The following ASTN2 variants were observed in gnomAD, a reference collection of about 807,000 sequenced individuals.
ASTN2 encodes astrotactin 2, also known as astrotactin-2.
In ASTN2, 54 loss-of-function variants were observed where a neutral mutation model predicts 139.8. That is an observed-to-expected ratio of 0.39 (90% CI 0.31 to 0.48). The LOEUF (loss-of-function observed/expected upper bound fraction) is 0.48, where lower values mean the gene tolerates loss of function less well. Among genes scored for constraint, ASTN2 ranks in the 20% least tolerant of loss-of-function variants. ASTN2 has a pLI of 0.95. For missense variants in ASTN2, 1,565 were observed against 1,725.1 expected, an observed-to-expected ratio of 0.91 and a Z score of 1.64; for synonymous variants, 756 against 719.5, an observed-to-expected ratio of 1.05 and a Z score of -0.81.
At position 117,365,313 on chromosome 9, in the gene ASTN2, A is replaced by AAAAG. The variant is rs199655241; in HGVS notation, c.442+49180_442+49183dup. ...AAATAGAAAGAAAAAGAAAGAAAGA[A>AAAAG]AAAGAAAGAAAGAAAGAAAGAAAGA... On this transcript the variant is annotated intron_variant, in intron 1 of 22. Coordinates refer to ENST00000313400, the MANE Select transcript of ASTN2 (RefSeq NM_001365068.1). Among the ~76,000 whole-genome samples the AAAAG allele has an allele frequency of 7.8e-3, 1,150 of 148,144 alleles. 11 individuals carry two copies. The highest frequency in any genetic ancestry group is 0.024 in the African/African-American group (933 of 39,186).
intron 5 of ASTN2, among the ~76,000 whole-genome samples, chr9:117,090,692 CA>C (rs1185132254): frequency 6.6e-6 from 1 of 152,186 alleles, no homozygotes; most frequent in East Asian, 1.9e-4. Context: ...CAGGTGTCAA[CA>C]GCTCCATTTT....
chr9:117,308,100 TC>T (rs1387737997), intron 1 of ASTN2, among the ~76,000 whole-genome samples: 1 of 152,162 alleles, frequency 6.6e-6, no homozygotes, highest in African/African-American at 2.4e-5. Context: ...AAAAAGGTCC[TC>T]TGATTCCCAG....
At chr9:117,347,584 T>C (rs187548566) in intron 1 of ASTN2, among the ~76,000 whole-genome samples, 1 of 152,292 alleles carries the variant, frequency 6.6e-6, no homozygotes, top group Admixed American at 6.5e-5. Flanking sequence ...TTCTGCTTTG[T>C]CTAGTGCAAT....
At chr9:116,750,080 C>T (rs1266662966) in intron 13 of ASTN2, among the ~76,000 whole-genome samples, 1 of 152,162 alleles carries the variant, frequency 6.6e-6, no homozygotes, top group Non-Finnish European at 1.5e-5. Context: ...TCTGCAGCTC[C>T]TAACAAAGTA....
intron 11 of ASTN2, among the ~76,000 whole-genome samples, chr9:116,846,780 GTCAA>G (rs1832443420): frequency 6.6e-6 from 1 of 152,140 alleles, no homozygotes; most frequent in Non-Finnish European, 1.5e-5. Context: ...TCTGCCAGTG[GTCAA>G]TAGGAATTCC....
chr9:117,346,067 A>T (rs1829208032), intron 1 of ASTN2, among the ~76,000 whole-genome samples: 1 of 146,284 alleles, frequency 6.8e-6, no homozygotes, highest in East Asian at 2.3e-4. Flanking sequence ...CAGATGTTTT[A>T]TTGTCTAACC....
At chr9:116,828,964 G>A (rs1831724029) in intron 11 of ASTN2, among the ~76,000 whole-genome samples, 1 of 152,040 alleles carries the variant, frequency 6.6e-6, no homozygotes, top group Admixed American at 6.6e-5. Context: ...GGAGGTGAAA[G>A]ATCTCTATAA....
chr9:117,202,456 G>A (rs147347504), intron 3 of ASTN2, among the ~76,000 whole-genome samples: 70 of 152,228 alleles, frequency 4.6e-4, no homozygotes, highest in African/African-American at 1.6e-3. Flanking sequence ...ATATTTTGGT[G>A]TATTTTTGCA....
intron 16 of ASTN2, among the ~76,000 whole-genome samples, chr9:116,671,848 C>T (rs566223467): frequency 6.6e-6 from 1 of 152,136 alleles, no homozygotes; most frequent in Non-Finnish European, 1.5e-5. Flanking sequence ...AAAATGGCTA[C>T]TTCCCCATTT....
intron 4 of ASTN2, among the ~76,000 whole-genome samples, chr9:117,108,436 A>ACACACACACACACACACAC: frequency 3.3e-5 from 1 of 30,754 alleles, no homozygotes; most frequent in South Asian, 8.8e-4. Context: ...AAAACAAAAC[A>ACACACACACACACACACAC]AAACACACAC....
At chr9:117,322,552 C>T (rs1403515986) in intron 1 of ASTN2, among the ~76,000 whole-genome samples, 2 of 152,188 alleles carry the variant, frequency 1.3e-5, no homozygotes, top group African/African-American at 4.8e-5. Flanking sequence ...GGACTTAAGT[C>T]TGCATGGCTG....
chr9:116,637,432 G>A (rs186444641), intron 17 of ASTN2, among the ~76,000 whole-genome samples: 13 of 152,196 alleles, frequency 8.5e-5, no homozygotes, highest in Non-Finnish European at 1.5e-4. Context: ...TCATTTTACC[G>A]ATGGTAAAAC....
At chr9:116,667,370 T>C (rs1858930614) in intron 16 of ASTN2, among the ~76,000 whole-genome samples, 1 of 152,156 alleles carries the variant, frequency 6.6e-6, no homozygotes, top group Admixed American at 6.5e-5. Flanking sequence ...AAAAAAACTA[T>C]CTGTTTGCAA....
intron 20 of ASTN2, among the ~76,000 whole-genome samples, chr9:116,483,300 T>C (rs1849232381): frequency 6.6e-6 from 1 of 152,242 alleles, no homozygotes; most frequent in South Asian, 2.1e-4. Flanking sequence ...GGTGCTGATG[T>C]TTCTGTTTTG....
chr9:117,009,399 T>G (rs1837448287), intron 6 of ASTN2, among the ~76,000 whole-genome samples: 2 of 152,154 alleles, frequency 1.3e-5, no homozygotes, highest in South Asian at 4.1e-4. Context: ...CACATATACA[T>G]ACACACACAC....
At chr9:117,102,470 G>A (rs1829002271) in intron 4 of ASTN2, among the ~76,000 whole-genome samples, 2 of 152,090 alleles carry the variant, frequency 1.3e-5, no homozygotes, top group Non-Finnish European at 1.5e-5. Context: ...GGTGATGGCT[G>A]TACAACCTTG....
intron 6 of ASTN2, among the ~76,000 whole-genome samples, chr9:117,027,833 CA>C (rs1039555600): frequency 1.3e-5 from 2 of 152,118 alleles, no homozygotes; most frequent in African/African-American, 2.4e-5. Flanking sequence ...GTGTGATTGG[CA>C]TTTTCTAACC....
chr9:117,164,106 A>G (rs6478283), intron 3 of ASTN2, among the ~76,000 whole-genome samples: 45,024 of 152,006 alleles, frequency 0.3, 6,851 homozygotes, highest in African/African-American at 0.35. Flanking sequence ...TCTGTCTTGA[A>G]ATATATTTTC....
chr9:117,044,085 A>G, intron 5 of ASTN2, among the ~76,000 whole-genome samples: 1 of 152,148 alleles, frequency 6.6e-6, no homozygotes, highest in Non-Finnish European at 1.5e-5. Flanking sequence ...TGCCAAGCAA[A>G]GATTTGGCAC....
Sources: allele counts gnomAD v4.1 joint callset (sites outside exome capture counted in the v4.1 genomes callset), GRCh38; gene constraint gnomAD v4.1.1; transcripts MANE v1.5; gene names NCBI Gene and HGNC (gene_info 2026-07-23, HGNC 2026-07-21).